METTL16: variants seen among roughly 807,000 people sequenced by gnomAD.
METTL16 encodes methyltransferase 16, RNA N6-adenosine.
In METTL16, 19 loss-of-function variants were observed where a neutral mutation model predicts 57.9. The ratio of observed to expected loss-of-function variants is 0.33; its 90% CI spans 0.23 to 0.48. The LOEUF (loss-of-function observed/expected upper bound fraction) is 0.48. Ranked by LOEUF, METTL16 falls within the 20% of genes least tolerant of loss-of-function variation. The pLI is 0.99. For missense variants in METTL16, 434 were observed against 691.5 expected (o/e 0.63, Z 4.18); for synonymous variants, 246 against 255.6 (o/e 0.96, Z 0.36).
rs375416195 is a variant in METTL16 at position 2,480,930 on chromosome 17, C to T, written c.129-3045G>A. On this transcript the variant is annotated intron_variant, in intron 2 of 9. Coordinates refer to ENST00000263092, the MANE Select transcript of METTL16 (RefSeq NM_024086.4). ...GAAAAACAGGATATTGGGCTGGGCA[C>T]GGCAGCTCACACCTGTAATCCCAAC... Among the ~76,000 whole-genome samples the T allele has an allele frequency of 1.5e-4, 23 of 152,212 alleles. 1 individual carries two copies. The East Asian group carries it at 1.7e-3, about 11-fold the overall frequency.
At chr17:2,504,581 T>G (rs1051826149) in intron 1 of METTL16, among the ~76,000 whole-genome samples, 1 of 152,120 alleles carries the variant, frequency 6.6e-6, no homozygotes, top group African/African-American at 2.4e-5. Flanking sequence ...TCTGAGACAG[T>G]GTCTCACTCT....
At chr17:2,462,706 G>A (rs960852394) in intron 6 of METTL16, among the ~76,000 whole-genome samples, 4 of 152,036 alleles carry the variant, frequency 2.6e-5, no homozygotes, top group South Asian at 2.1e-4. Flanking sequence ...ATGATTGTAC[G>A]TTTCCTGAGA....
At chr17:2,453,197 T>C (rs2067083528) in intron 6 of METTL16, among the ~76,000 whole-genome samples, 1 of 152,136 alleles carries the variant, frequency 6.6e-6, no homozygotes, top group Non-Finnish European at 1.5e-5. Context: ...CACAGAGGAA[T>C]TATCAAATTG....
At chr17:2,486,986 AGAGT>A (rs2067347163) in intron 2 of METTL16, among the ~76,000 whole-genome samples, 1 of 124,878 alleles carries the variant, frequency 8.0e-6, no homozygotes, top group Non-Finnish European at 1.6e-5. Flanking sequence ...CCTGGGCAAC[AGAGT>A]GAGATCCTGT....
chr17:2,467,897 G>C, intron 4 of METTL16, 21 bp from the exon 5 acceptor site: 1 of 1,514,556 alleles, frequency 6.6e-7, no homozygotes, highest in South Asian at 1.1e-5. Context: ...AAACAGGACT[G>C]TGAACTAATA....
At chr17:2,506,434 C>A (rs553700993) in intron 1 of METTL16, among the ~76,000 whole-genome samples, 1 of 151,570 alleles carries the variant, frequency 6.6e-6, no homozygotes, top group Admixed American at 6.6e-5. Context: ...TGCAGGCGCA[C>A]GCCGCCACGC....
intron 4 of METTL16, among the ~76,000 whole-genome samples, chr17:2,468,925 GTGTT>G (rs1350353193): frequency 7.6e-6 from 1 of 132,440 alleles, no homozygotes; most frequent in Non-Finnish European, 1.7e-5. Context: ...TTGTGTGTGT[GTGTT>G]TTTTTTTTCT....
chr17:2,462,211 A>C (rs1057401899), intron 6 of METTL16, among the ~76,000 whole-genome samples: 1 of 152,220 alleles, frequency 6.6e-6, no homozygotes. Flanking sequence ...ACGAAAAGTG[A>C]AAAAAGCCAG....
intron 6 of METTL16, among the ~76,000 whole-genome samples, chr17:2,457,337 CAAAAAAAAA>C (rs57968051): frequency 4.7e-3 from 199 of 42,606 alleles, no homozygotes; most frequent in Middle Eastern, 0.021. Flanking sequence ...GACTCCGTCT[CAAAAAAAAA>C]AAAAAAAAAA....
rs367583122 is a variant in METTL16, at chr17:2,492,036, C to G, written c.128+10168G>C. Among the ~76,000 whole-genome samples the G allele has an allele frequency of 1.3e-4, 20 of 150,956 alleles. No individual in the cohort carries two copies. In the East Asian group the frequency reaches 3.3e-3, roughly 25 times the overall value. On this transcript the variant is annotated intron_variant, in intron 2 of 9. Coordinates refer to ENST00000263092, the MANE Select transcript of METTL16 (RefSeq NM_024086.4). Reference sequence around the variant, plus strand: ...ACCATCCTGGCTAACACGGTGAAACCCTGTCTCTACTAAAAATACAAAAAA... The same window carrying G: ...ACCATCCTGGCTAACACGGTGAAACGCTGTCTCTACTAAAAATACAAAAAA...
intron 7 of METTL16, among the ~76,000 whole-genome samples, chr17:2,439,925 G>T (rs1490161500): frequency 6.6e-6 from 1 of 152,082 alleles, no homozygotes; most frequent in Non-Finnish European, 1.5e-5. Flanking sequence ...CATGGGTCAC[G>T]CCTGTAATCC....
intron 4 of METTL16, among the ~76,000 whole-genome samples, chr17:2,471,108 G>A (rs1285241825): frequency 6.6e-6 from 1 of 152,182 alleles, no homozygotes; most frequent in African/African-American, 2.4e-5. Context: ...TCTAGACAAA[G>A]ACCTTATATC....
chr17:2,463,111 C>A (rs896667915), intron 6 of METTL16, among the ~76,000 whole-genome samples: 3 of 152,178 alleles, frequency 2.0e-5, no homozygotes, highest in Non-Finnish European at 4.4e-5. Context: ...GGTTAGTGAT[C>A]TCAGTTTCCC....
intron 6 of METTL16, among the ~76,000 whole-genome samples, chr17:2,459,084 G>C (rs1439334141): frequency 6.6e-6 from 1 of 152,194 alleles, no homozygotes; most frequent in Non-Finnish European, 1.5e-5. Flanking sequence ...GGGATTACAG[G>C]TGTGAGCCAT....
chr17:2,454,478 C>G (rs1371480498), intron 6 of METTL16, among the ~76,000 whole-genome samples: 1 of 151,670 alleles, frequency 6.6e-6, no homozygotes, highest in Non-Finnish European at 1.5e-5. Context: ...ATCTATATAA[C>G]TAAAAATAAA....
At chr17:2,453,888 C>T (rs1280589123) in intron 6 of METTL16, among the ~76,000 whole-genome samples, 1 of 152,048 alleles carries the variant, frequency 6.6e-6, no homozygotes, top group African/African-American at 2.4e-5. Context: ...CATGAAAAAT[C>T]TAACTTTAAA....
intron 2 of METTL16, among the ~76,000 whole-genome samples, chr17:2,484,762 G>A (rs886981490): frequency 6.6e-6 from 1 of 152,102 alleles, no homozygotes; most frequent in African/African-American, 2.4e-5. Flanking sequence ...CCAAAGTGCT[G>A]GGATTACAGG....
At chr17:2,443,133 C>A (rs984130954) in intron 6 of METTL16, among the ~76,000 whole-genome samples, 1 of 151,990 alleles carries the variant, frequency 6.6e-6, no homozygotes, top group Non-Finnish European at 1.5e-5. Context: ...GGATTACAAG[C>A]GTGCGCCACC....
chr17:2,422,795 C>T (rs1162175404), intron 8 of METTL16, among the ~76,000 whole-genome samples: 1 of 151,862 alleles, frequency 6.6e-6, no homozygotes, highest in Non-Finnish European at 1.5e-5. Flanking sequence ...ACCAGCCTGG[C>T]CAACATGGTG....
Sources: gnomAD v4.1 joint callset for allele counts (sites outside exome capture counted in the v4.1 genomes callset) on GRCh38, gnomAD v4.1.1 for gene constraint, MANE v1.5 for transcripts, NCBI Gene and HGNC (gene_info 2026-07-23, HGNC 2026-07-21) for gene names.